The following TANGO2 variants were observed in gnomAD, a reference collection of about 807,000 sequenced individuals.
TANGO2 encodes the protein transport and golgi organization 2 homolog.
In TANGO2, 26 loss-of-function variants were observed where a neutral mutation model predicts 39.1. The ratio of observed to expected loss-of-function variants is 0.67; its 90% CI spans 0.49 to 0.92. The LOEUF is 0.92. Ranked by LOEUF, TANGO2 falls within the 40% of genes least tolerant of loss-of-function variation. The pLI is 0.00. For synonymous variants in TANGO2, 131 were observed against 144.5 expected (o/e 0.91, Z 0.67); for missense variants, 326 against 360.1 (o/e 0.91, Z 0.77).
intron 1 of TANGO2, among the ~76,000 whole-genome samples, chr22:20,024,377 C>G (rs966132843): frequency 2.6e-4 from 40 of 152,250 alleles, no homozygotes; most frequent in African/African-American, 9.4e-4. Context: ...AACAGCGACA[C>G]TGTGTTCCCA....
rs370438704 is a variant in TANGO2 at position 20,057,150 on chromosome 22, C to G, written c.451+1137C>G. ...AGCCCCAGGCGTCCCTGGAGGGGCC[C>G]GAGGGAGATGATAAGCAGTCCCCAG... On this transcript the variant is annotated intron_variant, in intron 6 of 8. Coordinates refer to ENST00000327374, the MANE Select transcript of TANGO2 (RefSeq NM_152906.7). The surrounding 1 kb of genome is among the most constrained non-coding windows in gnomAD (Gnocchi z 4.1). 5.2e-5 allele frequency: 19 copies of G among 362,132 alleles called. No individual in the cohort carries two copies. The highest frequency in any genetic ancestry group is 8.2e-5 in the Non-Finnish European group (15 of 182,590). The allele number at this position is 362,132 out of a possible 1,614,324, so 22.4% of individuals were successfully genotyped here.
At position 20,061,674 on chromosome 22, in the gene TANGO2, A is replaced by G. The variant is rs1179569595; in HGVS notation, c.596A>G (p.Asn199Ser). ...GCCAGCCTCCTGGATGTGCTCAACAATGAAGAGGCGTGAGTGGGCGGGTCC... is the reference window on the plus strand; with the variant it reads ...GCCAGCCTCCTGGATGTGCTCAACAGTGAAGAGGCGTGAGTGGGCGGGTCC... ...LIASLLDVLN[N>S]EEAQLPDPAI... is the part of the protein sequence containing the mutation. Residue 199 changes from asparagine (N) to serine (S), a missense_variant, in exon 7 of 9, where the codon AAT (asparagine) becomes AGT (serine). Transcript: ENST00000327374. 3 of 1,550,896 alleles carry G rather than the reference A, an allele frequency of 1.9e-6. No individual in the cohort carries two copies. Among genetic ancestry groups the G allele is most frequent in the Non-Finnish European group, 2.6e-6 (3 of 1,146,942 alleles).
At chr22:20,063,247 G>T in intron 7 of TANGO2, 91 bp from the exon 8 acceptor site, 1 of 1,086,442 alleles carries the variant, frequency 9.2e-7, no homozygotes, top group African/African-American at 1.6e-5. Flanking sequence ...ACTCCCCAGA[G>T]CCAGTTAGGC....
In TANGO2 at chr22:20,053,398, C is replaced by T. The variant is rs763723808; in HGVS notation, c.266-39C>T. The T allele has an allele frequency of 2.5e-5, 35 of 1,416,456 alleles. 1 individual carries two copies. The highest frequency in any genetic ancestry group is 3.4e-5 in the Non-Finnish European group (34 of 1,000,936). 87.7% of individuals were successfully genotyped at this position (1,416,456 alleles called of 1,614,324 possible). The stretch of plus-strand genomic sequence containing the variant: ...AGTGTTCCTGGGAGAAGAGCACATG[C>T]CTGCAGCTGTGGACACAGCATCTGT... On this transcript the variant is annotated intron_variant, in intron 4 of 8. Coordinates refer to ENST00000327374, the MANE Select transcript of TANGO2 (RefSeq NM_152906.7).
intron 3 of TANGO2, among the ~76,000 whole-genome samples, chr22:20,049,941 G>T (rs1236711694): frequency 6.6e-6 from 1 of 152,112 alleles, no homozygotes; most frequent in Non-Finnish European, 1.5e-5. Flanking sequence ...GGGCACGGTG[G>T]CTCACGCCTG....
At chr22:20,031,780 C>T (rs1257035196) in intron 1 of TANGO2, among the ~76,000 whole-genome samples, 1 of 152,226 alleles carries the variant, frequency 6.6e-6, no homozygotes, top group Non-Finnish European at 1.5e-5. Flanking sequence ...AGGCAGCATG[C>T]TGACTTCCAG....
intron 3 of TANGO2, among the ~76,000 whole-genome samples, chr22:20,049,928 G>T (rs956371082): frequency 6.6e-6 from 1 of 152,152 alleles, no homozygotes; most frequent in Admixed American, 6.5e-5. Flanking sequence ...CACTGTTGAG[G>T]CTGGGCACGG....
chr22:20,044,279 TAAG>T (rs1210769714), intron 3 of TANGO2, among the ~76,000 whole-genome samples: 3 of 152,018 alleles, frequency 2.0e-5, no homozygotes, highest in Non-Finnish European at 2.9e-5. Flanking sequence ...ACCCAACACT[TAAG>T]GAGGCTGAGG....
At chr22:20,038,982 C>T (rs2043381680) in intron 2 of TANGO2, among the ~76,000 whole-genome samples, 1 of 151,462 alleles carries the variant, frequency 6.6e-6, no homozygotes, top group South Asian at 2.1e-4. Context: ...GCTCTGTTGC[C>T]CAGGCTGGAG....
intron 3 of TANGO2, among the ~76,000 whole-genome samples, chr22:20,047,574 T>C (rs748308971): frequency 1.3e-5 from 2 of 152,010 alleles, no homozygotes; most frequent in Non-Finnish European, 2.9e-5. Context: ...GGGACAAACA[T>C]CCAAACTATG....
At chr22:20,017,747 GCA>G (rs1202498105), upstream of TANGO2, among the ~76,000 whole-genome samples, 3 of 152,202 alleles carry the variant, frequency 2.0e-5, no homozygotes, top group African/African-American at 7.2e-5. Flanking sequence ...CAGATTAAGA[GCA>G]CCTGACATGA....
At chr22:20,060,991 G>C (rs1316026712) in intron 6 of TANGO2, among the ~76,000 whole-genome samples, 1 of 152,102 alleles carries the variant, frequency 6.6e-6, no homozygotes, top group African/African-American at 2.4e-5. Flanking sequence ...TCTGTGCAGA[G>C]CCCCCCGGCT....
In TANGO2 at chr22:20,036,816, T is replaced by A; in HGVS notation, c.18T>A (p.Phe6Leu). ...GCACCACCATGTGCATCATCTTCTT[T>A]AAGTTTGATCCTCGCCCTGTTTCCA... MCIIFFKFDPRPVSKN... is the reference protein window; with the variant it reads MCIIFLKFDPRPVSKN... Residue 6 changes from phenylalanine to leucine, a missense_variant, in exon 2 of 9, where the codon TTT becomes TTA. By Grantham distance (22) the Phe-to-Leu change is conservative (BLOSUM62 0). Transcript: ENST00000327374. The A allele has an allele frequency of 6.2e-7, 1 of 1,614,242 alleles. No homozygotes were observed. Among genetic ancestry groups the A allele is most frequent in the Middle Eastern group, 1.6e-4 (1 of 6,062 alleles).
intron 1 of TANGO2, among the ~76,000 whole-genome samples, chr22:20,030,923 G>A (rs533253115): frequency 6.6e-6 from 1 of 152,222 alleles, no homozygotes; most frequent in East Asian, 1.9e-4. Context: ...ATTAGGGCCA[G>A]GCGTGGTGGC....
Position 20,067,122 on chromosome 22 carries a change from G to A in TANGO2, c.*2460G>A, listed in dbSNP as rs1602459748. On this transcript the variant is annotated 3_prime_UTR_variant, in exon 9 of 9. Coordinates refer to ENST00000327374, the MANE Select transcript of TANGO2 (RefSeq NM_152906.7). ...AATATGACGGCTATCCTTATAAAAA[G>A]AGGAACATTTAGGCTGGATACAGTG... is the stretch of plus-strand genomic sequence containing the variant. 1 of 152,136 alleles carries A rather than the reference G, an allele frequency of 6.6e-6. No homozygotes were observed. The highest frequency in any genetic ancestry group is 2.4e-5 in the African/African-American group (1 of 41,440). The allele number at this position is 152,136 out of a possible 1,614,324, so 9.4% of individuals were successfully genotyped here. A position where few individuals can be genotyped will look rare whatever the true frequency, so the allele number is the denominator to read the frequency against.
In TANGO2 at chr22:20,038,580, C is replaced by T. The variant is rs551246032; in HGVS notation, c.56+1726C>T. Among the ~76,000 whole-genome samples the T allele has an allele frequency of 2.4e-4, 37 of 152,316 alleles. No homozygotes were observed. The East Asian group carries it at 4.4e-3, about 18-fold the overall frequency. ...TGTGTTGCTGCCAGGACCTGTCCTG[C>T]GGGTCCTGCCATTCCAGTTGGCCTC... On this transcript the variant is annotated intron_variant, in intron 2 of 8. Transcript: ENST00000327374.
At chr22:20,031,106 G>A (rs1601887330) in intron 1 of TANGO2, among the ~76,000 whole-genome samples, 2 of 152,184 alleles carry the variant, frequency 1.3e-5, no homozygotes, top group African/African-American at 4.8e-5. Context: ...GCTGAGGCAG[G>A]AGAATCGCTT....
chr22:20,063,562 T>C lies in TANGO2; in HGVS notation c.710+120T>C, dbSNP rs911084871. 4 of 896,882 alleles carry C rather than the reference T, an allele frequency of 4.5e-6. No individual in the cohort carries two copies. The African/African-American group carries it at 5.0e-5, about 11-fold the overall frequency. 55.6% of individuals were successfully genotyped at this position (896,882 alleles called of 1,614,324 possible). A position where few individuals can be genotyped will look rare whatever the true frequency, so the allele number is the denominator to read the frequency against. ...CAGGCTTCTTCCTCGCCTGAGTGGATTCCAGAGCTTCTGCCCTGTCCAGAC... is the reference window on the plus strand; with the variant it reads ...CAGGCTTCTTCCTCGCCTGAGTGGACTCCAGAGCTTCTGCCCTGTCCAGAC... On this transcript the variant is annotated intron_variant, in intron 8 of 8. Transcript: ENST00000327374.
chr22:20,045,053 G>A (rs17210273), intron 3 of TANGO2, among the ~76,000 whole-genome samples: 8,743 of 152,210 alleles, frequency 0.057, 384 homozygotes, highest in African/African-American at 0.1. Flanking sequence ...ACTCTCTGGC[G>A]TCACCGGATT....
Sources: allele counts gnomAD v4.1 joint callset (sites outside exome capture counted in the v4.1 genomes callset), GRCh38; gene constraint gnomAD v4.1.1; non-coding constraint Gnocchi (gnomAD v3.1); transcripts MANE v1.5; gene names NCBI Gene and HGNC (gene_info 2026-07-23, HGNC 2026-07-21).